ADGRV1: variants seen among roughly 807,000 people sequenced by gnomAD.
The protein encoded by ADGRV1 is G-protein coupled receptor 98.
A neutral mutation model predicts 596.2 loss-of-function variants in ADGRV1; 359 were observed. The ratio of observed to expected loss-of-function variants is 0.60; its 90% CI spans 0.55 to 0.66. The LOEUF is 0.66. Ranked by LOEUF, ADGRV1 falls within the 30% of genes least tolerant of loss-of-function variation. The pLI, the probability that ADGRV1 is intolerant of heterozygous loss-of-function variation, is 0.00. For missense variants in ADGRV1, 7,274 were observed against 7,575.6 expected (o/e 0.96, Z 1.48); for synonymous variants, 2,681 against 2,679.2 (o/e 1.00, Z -0.02).
intron 2 of ADGRV1, among the ~76,000 whole-genome samples, chr5:90,616,115 C>T (rs752885592): frequency 9.9e-5 from 15 of 151,906 alleles, no homozygotes; most frequent in Non-Finnish European, 1.9e-4. Context: ...TTTTCCAACA[C>T]CCTTCACAAC....
At chr5:91,085,969 G>A (rs567409622) in intron 86 of ADGRV1, among the ~76,000 whole-genome samples, 42 of 152,076 alleles carry the variant, frequency 2.8e-4, no homozygotes, top group Middle Eastern at 3.4e-3. Flanking sequence ...CACTCATAAC[G>A]TTGGACACCA....
Position 90,706,253 on chromosome 5 carries a change from C to T in ADGRV1, c.8589C>T (p.Thr2863=). ...TAGGAGCTATCAATGTCACATATACCACGGTTCCTGGAATGCTGAGTCTGA... is the reference window on the plus strand; with the variant it reads ...TAGGAGCTATCAATGTCACATATACTACGGTTCCTGGAATGCTGAGTCTGA... ...GSLGAINVTY[T]TVPGMLSLKN... Residue 2863 remains threonine (T), a synonymous_variant, in exon 38 of 90, where the codon ACC becomes ACT. Coordinates refer to ENST00000405460, the MANE Select transcript of ADGRV1 (RefSeq NM_032119.4). 6.2e-7 allele frequency: 1 copy of T among 1,612,298 alleles called. No individual in the cohort carries two copies. The highest frequency in any genetic ancestry group is 8.5e-7 in the Non-Finnish European group (1 of 1,179,294).
In ADGRV1 at chr5:90,645,981, T is replaced by C. The variant is rs1767697228; in HGVS notation, c.2912T>C (p.Met971Thr). The C allele has an allele frequency of 3.1e-6, 5 of 1,590,400 alleles. No homozygotes were observed. The highest frequency in any genetic ancestry group is 4.3e-6 in the Non-Finnish European group (5 of 1,167,888). The change falls in exon 16 of 90, where the codon ATG becomes ACG. Residue 971 changes from methionine to threonine, a missense_variant. Physicochemically the swap from Met to Thr is moderately conservative, Grantham distance 81. Transcript: ENST00000405460. ...YSLPDEIPEEMEEFTVILLNG... is the reference protein window; with the variant it reads ...YSLPDEIPEETEEFTVILLNG... ...CATTTTCCAAAGATTCCAGAAGAAA[T>C]GGAAGAATTTACCGTTATCCTACTG...
chr5:90,618,062 A>T, intron 3 of ADGRV1, 109 bp downstream of exon 3: 1 of 731,308 alleles, frequency 1.4e-6, no homozygotes. Context: ...CAATTCAGAT[A>T]ACTGGTGGTG....
chr5:90,826,853 CT>C (rs2150314301), intron 76 of ADGRV1, among the ~76,000 whole-genome samples: 1 of 152,264 alleles, frequency 6.6e-6, no homozygotes, highest in South Asian at 2.1e-4. Flanking sequence ...TTTTTCAATA[CT>C]TTCACTTTTG....
At chr5:91,026,089 C>A (rs1023371757) in intron 85 of ADGRV1, among the ~76,000 whole-genome samples, 1 of 152,104 alleles carries the variant, frequency 6.6e-6, no homozygotes, top group African/African-American at 2.4e-5. Flanking sequence ...AAATTACATA[C>A]AATTAATACA....
chr5:90,595,082 C>T (rs1345936391), intron 1 of ADGRV1, among the ~76,000 whole-genome samples: 12 of 135,238 alleles, frequency 8.9e-5, no homozygotes, highest in East Asian at 4.4e-4. Context: ...CGCCCCTCAC[C>T]TCCCGGACGG....
chr5:91,010,795 T>G (rs1339105570), intron 85 of ADGRV1, among the ~76,000 whole-genome samples: 1 of 147,944 alleles, frequency 6.8e-6, no homozygotes, highest in East Asian at 2.0e-4. Context: ...TTGAAATTTA[T>G]TTAATAATTA....
intron 83 of ADGRV1, among the ~76,000 whole-genome samples, chr5:90,893,463 G>A (rs1056563945): frequency 6.6e-6 from 1 of 152,102 alleles, no homozygotes; most frequent in African/African-American, 2.4e-5. Context: ...TATATCAGGA[G>A]GTGGGGATCA....
chr5:90,976,322 G>GTGTGTGTGTGTGTGTATATA (rs1420288881), intron 84 of ADGRV1, among the ~76,000 whole-genome samples: 9 of 108,636 alleles, frequency 8.3e-5, no homozygotes, highest in African/African-American at 3.4e-4. Flanking sequence ...GTGTGTGTGT[G>GTGTGTGTGTGTGTGTATATA]TATATATATA....
intron 58 of ADGRV1, 55 bp downstream of exon 58, chr5:90,759,643 T>C (rs1289380798): frequency 5.3e-6 from 8 of 1,497,870 alleles, no homozygotes; most frequent in Non-Finnish European, 7.4e-6. Context: ...TTCATGTAAT[T>C]TTGAGTAGAA....
intron 27 of ADGRV1, among the ~76,000 whole-genome samples, chr5:90,682,578 A>G (rs1490492391): frequency 6.6e-6 from 1 of 152,250 alleles, no homozygotes; most frequent in Non-Finnish European, 1.5e-5. Context: ...CATACGAATA[A>G]TGAAGAAATA....
intron 85 of ADGRV1, among the ~76,000 whole-genome samples, chr5:90,990,412 G>A (rs1375814036): frequency 6.6e-6 from 1 of 152,168 alleles, no homozygotes; most frequent in Non-Finnish European, 1.5e-5. Context: ...AGACTCTATG[G>A]AAAGGGTTGG....
At chr5:91,079,554 G>T (rs373718862) in intron 86 of ADGRV1, among the ~76,000 whole-genome samples, 92 of 152,304 alleles carry the variant, frequency 6.0e-4, no homozygotes, top group African/African-American at 2.0e-3. Context: ...ATCAGGAGTT[G>T]CCTAAGGCTT....
intron 83 of ADGRV1, among the ~76,000 whole-genome samples, chr5:90,892,769 G>A (rs186581474): frequency 3.3e-5 from 5 of 152,106 alleles, no homozygotes; most frequent in East Asian, 3.9e-4. Flanking sequence ...TCATTATACC[G>A]CAAAAGAGAA....
In ADGRV1 at chr5:90,789,692, T is replaced by C; in HGVS notation, c.13894-10T>C. 1 of 1,504,450 alleles carries C rather than the reference T, an allele frequency of 6.6e-7. No individual in the cohort carries two copies. Among genetic ancestry groups the C allele is most frequent in the East Asian group, 2.4e-5 (1 of 41,290 alleles). 93.2% of individuals were successfully genotyped at this position (1,504,450 alleles called of 1,614,324 possible). ...TATAAATTATTTTCTCTGTTGTTTA[T>C]ATTTTTTAGATACAAGAGTTTGGTG... is the stretch of plus-strand genomic sequence containing the variant. On this transcript the variant is annotated splice_polypyrimidine_tract_variant and intron_variant, in intron 68 of 89. Transcript: ENST00000405460.
Position 90,805,456 on chromosome 5 carries a change from T to C in ADGRV1, c.14834T>C (p.Leu4945Pro). 3 of 1,576,296 alleles carry C rather than the reference T, an allele frequency of 1.9e-6. No individual in the cohort carries two copies. Among genetic ancestry groups the C allele is most frequent in the Non-Finnish European group, 2.6e-6 (3 of 1,152,914 alleles). ...FIVVGNMTPT[L>P]GSLSFSHGEQ... ...GTTGTTGGCAACATGACCCCAACAC[T>C]GGGTGAGTTGTAGTTTTTCTAAGAT... The change falls in exon 72 of 90, where the codon CTG becomes CCG. Residue 4945 changes from leucine to proline, a missense_variant and splice_region_variant. Around this residue, in one of 5 missense-constraint regions of ADGRV1, gnomAD observed 1,874 missense variants for 1,970.2 expected, o/e 0.95. Transcript: ENST00000405460.
At chr5:91,044,313 A>G (rs1785609861) in intron 85 of ADGRV1, among the ~76,000 whole-genome samples, 1 of 152,194 alleles carries the variant, frequency 6.6e-6, no homozygotes, top group Non-Finnish European at 1.5e-5. Context: ...TATTTTCAGT[A>G]TAAATGAAGT....
At chr5:90,812,040 G>A (rs1365108768) in intron 74 of ADGRV1, among the ~76,000 whole-genome samples, 2 of 150,330 alleles carry the variant, frequency 1.3e-5, no homozygotes. Flanking sequence ...GCAGTTCTCT[G>A]ACTCAGCTTC....
Sources: allele counts gnomAD v4.1 joint callset (sites outside exome capture counted in the v4.1 genomes callset), GRCh38; gene constraint gnomAD v4.1.1; regional missense constraint gnomAD v4.1.1; transcripts MANE v1.5; gene names NCBI Gene and HGNC (gene_info 2026-07-23, HGNC 2026-07-21).